Variants in ST6GAL2 observed in about 807,000 individuals in gnomAD.
The protein encoded by ST6GAL2 is ST6 beta-galactoside alpha-2,6-sialyltransferase 2.
A neutral mutation model predicts 37.5 loss-of-function variants in ST6GAL2; 24 were observed. That is an observed-to-expected ratio of 0.64 (90% CI 0.46 to 0.90). The LOEUF is 0.90. ST6GAL2 is among the 40% of genes least tolerant of loss of function. The probability of loss-of-function intolerance (pLI) is 0.00; values close to 1 mark genes in which losing one functional copy is unlikely to be tolerated. For missense variants in ST6GAL2, 715 were observed against 712.7 expected, an observed-to-expected ratio of 1.00 and a Z score of -0.04; for synonymous variants, 306 against 295.1, an observed-to-expected ratio of 1.04 and a Z score of -0.38.
At chr2:106,886,638 C>G (rs551618825), upstream of ST6GAL2, 16 of 151,926 alleles carry the variant, frequency 1.1e-4, no homozygotes, top group African/African-American at 3.1e-4. Context: ...GCCCACGCAC[C>G]GAGGCTGCGC....
chr2:106,873,852 G>A (rs1211145995), intron 1 of ST6GAL2, among the ~76,000 whole-genome samples: 1 of 152,188 alleles, frequency 6.6e-6, no homozygotes, highest in East Asian at 1.9e-4. Context: ...GGCCCATCTG[G>A]GCCATGGTCT....
At chr2:106,834,843 T>C (rs1292993882) in intron 2 of ST6GAL2, 1 of 152,286 alleles carries the variant, frequency 6.6e-6, no homozygotes, top group Non-Finnish European at 1.5e-5. Context: ...TCTTATGTTC[T>C]ATAACCACAC....
At chr2:106,854,912 T>C (rs1394694497) in intron 1 of ST6GAL2, among the ~76,000 whole-genome samples, 2 of 147,256 alleles carry the variant, frequency 1.4e-5, no homozygotes, top group African/African-American at 4.9e-5. Context: ...CTTTAAGGAA[T>C]TTTTTATTAT....
chr2:106,825,422 G>A (rs1223258046), intron 5 of ST6GAL2, among the ~76,000 whole-genome samples: 4 of 152,186 alleles, frequency 2.6e-5, no homozygotes, highest in African/African-American at 7.2e-5. Context: ...GAGACACTGT[G>A]AGCCAGAATC....
rs1471847651 is a variant in ST6GAL2 at position 106,802,365 on chromosome 2, T to A, written c.*4313A>T. 6.6e-6 allele frequency: 1 copy of A among 152,180 alleles called. No individual in the cohort carries two copies. The highest frequency in any genetic ancestry group is 6.5e-5 in the Admixed American group (1 of 15,274). The allele number at this position is 152,180 out of a possible 1,614,324, so 9.4% of individuals were successfully genotyped here. ...TATATAACTATATCTACATGTACAC[T>A]TTTCATACTAAGAACTAGATCAATG... is the stretch of plus-strand genomic sequence containing the variant. On this transcript the variant is annotated 3_prime_UTR_variant, in exon 6 of 6. Transcript: ENST00000409382.
intron 5 of ST6GAL2, among the ~76,000 whole-genome samples, chr2:106,826,349 G>T (rs1047534477): frequency 1.3e-5 from 2 of 152,120 alleles, no homozygotes; most frequent in African/African-American, 4.8e-5. Flanking sequence ...CACTTCACAT[G>T]TTGAAAGCAG....
intron 2 of ST6GAL2, among the ~76,000 whole-genome samples, chr2:106,840,791 G>A (rs940112332): frequency 7.9e-5 from 12 of 152,134 alleles, no homozygotes; most frequent in Non-Finnish European, 2.9e-5. Context: ...AAAAAAGAAC[G>A]AGGGACTGCC....
intron 5 of ST6GAL2, among the ~76,000 whole-genome samples, chr2:106,812,757 G>A (rs908214466): frequency 1.1e-4 from 17 of 152,060 alleles, no homozygotes; most frequent in African/African-American, 4.1e-4. Context: ...ATTTACATCT[G>A]GTTATGCTAA....
chr2:106,884,854 G>A (rs1163500113), intron 1 of ST6GAL2, among the ~76,000 whole-genome samples: 1 of 142,044 alleles, frequency 7.0e-6, no homozygotes, highest in Non-Finnish European at 1.5e-5. Context: ...CAGGTTCAAG[G>A]CCACACATCA....
chr2:106,827,425 C>A (rs1361921870), intron 5 of ST6GAL2, among the ~76,000 whole-genome samples: 1 of 152,200 alleles, frequency 6.6e-6, no homozygotes, highest in East Asian at 1.9e-4. Context: ...GCTGTCTCCA[C>A]TGCCCATCCT....
At chr2:106,865,200 C>T (rs1377487776) in intron 1 of ST6GAL2, among the ~76,000 whole-genome samples, 1 of 152,086 alleles carries the variant, frequency 6.6e-6, no homozygotes, top group Non-Finnish European at 1.5e-5. Flanking sequence ...GCCATCTTTG[C>T]TTTTAAACTG....
At chr2:106,838,893 G>A (rs1304543178) in intron 2 of ST6GAL2, among the ~76,000 whole-genome samples, 5 of 151,916 alleles carry the variant, frequency 3.3e-5, no homozygotes, top group African/African-American at 7.3e-5. Context: ...AAAATTAGCC[G>A]GGTATGGTGG....
chr2:106,813,051 G>T, intron 5 of ST6GAL2: 12 of 1,227,388 alleles, frequency 9.8e-6, no homozygotes, highest in Non-Finnish European at 1.2e-5. Context: ...CCAATCAAAT[G>T]GGTATGGGGC....
At position 106,832,609 on chromosome 2, in the gene ST6GAL2, A is replaced by G; in HGVS notation, c.1099T>C (p.Leu367=). Residue 367 remains leucine (L), a synonymous_variant, in exon 4 of 6, where the codon TTG becomes CTG. Coordinates refer to ENST00000409382, the MANE Select transcript of ST6GAL2 (RefSeq NM_001142351.2). ...IDSSLYKDVI[L]VAWDPAPYSA... The stretch of plus-strand genomic sequence containing the variant: ...TATGGGGCAGGGTCCCAGGCCACCA[A>G]AATGACGTCTTTATACAGTGAACTG... The G allele has an allele frequency of 6.2e-7, 1 of 1,608,248 alleles. No individual in the cohort carries two copies. Among genetic ancestry groups the G allele is most frequent in the Non-Finnish European group, 8.5e-7 (1 of 1,178,360 alleles).
At chr2:106,829,057 A>G (rs929714210) in intron 5 of ST6GAL2, among the ~76,000 whole-genome samples, 30 of 152,182 alleles carry the variant, frequency 2.0e-4, no homozygotes, top group African/African-American at 7.0e-4. Flanking sequence ...GCCCGCACCT[A>G]CTCATAATCT....
At position 106,806,698 on chromosome 2, in the gene ST6GAL2, G is replaced by T; in HGVS notation, c.1570C>A (p.Pro524Thr). Residue 524 changes from proline (P) to threonine (T), a missense_variant, in exon 6 of 6, where the codon CCA becomes ACA. By Grantham distance (38) the Pro-to-Thr change is conservative (BLOSUM62 -1). Around this residue, in one of 3 missense-constraint regions of ST6GAL2, gnomAD observed 198 missense variants for 203.6 expected, o/e 0.97. Transcript: ENST00000409382. ...FQAVHCPAPS[P>T]VIPHS ...CCTTTTTAAGAGTGTGGAATGACTG[G>T]ACTTGGTGCAGGGCAGTGCACCGCC... 6.2e-7 allele frequency: 1 copy of T among 1,614,064 alleles called. No individual in the cohort carries two copies. Among genetic ancestry groups the T allele is most frequent in the South Asian group, 1.1e-5 (1 of 91,072 alleles).
chr2:106,844,285 C>T lies in ST6GAL2; in HGVS notation c.-57-251G>A, dbSNP rs544103957. Among the ~76,000 whole-genome samples the T allele has an allele frequency of 1.1e-4, 17 of 151,084 alleles. No individual in the cohort carries two copies. The East Asian group carries it at 1.2e-3, about 11-fold the overall frequency. ...TCTCAGGTGAGTCTTTGGAGAGAGG[C>T]GATGGATGGGTGTATATTTGCAAAA... On this transcript the variant is annotated intron_variant, in intron 1 of 5. Coordinates refer to ENST00000409382, the MANE Select transcript of ST6GAL2 (RefSeq NM_001142351.2).
intron 2 of ST6GAL2, among the ~76,000 whole-genome samples, chr2:106,838,838 C>G (rs994538215): frequency 6.6e-6 from 1 of 152,098 alleles, no homozygotes; most frequent in Non-Finnish European, 1.5e-5. Flanking sequence ...AAGTTCAAGA[C>G]CAGCCTGGCC....
At chr2:106,863,489 C>A (rs956122946) in intron 1 of ST6GAL2, among the ~76,000 whole-genome samples, 1 of 151,998 alleles carries the variant, frequency 6.6e-6, no homozygotes, top group Non-Finnish European at 1.5e-5. Flanking sequence ...TGGGGGAGCA[C>A]AGGTGACCCC....
Sources: gnomAD v4.1 joint callset for allele counts (sites outside exome capture counted in the v4.1 genomes callset) on GRCh38, gnomAD v4.1.1 for gene constraint, gnomAD v4.1.1 regional missense constraint, MANE v1.5 for transcripts, NCBI Gene and HGNC (gene_info 2026-07-23, HGNC 2026-07-21) for gene names.